GNAO1: variants seen among roughly 807,000 people sequenced by gnomAD.
The protein encoded by GNAO1 is G protein subunit alpha o1.
For missense variants in GNAO1, 166 were observed against 478.7 expected, an observed-to-expected ratio of 0.35 and a Z score of 6.10; for synonymous variants, 164 against 180.7, an observed-to-expected ratio of 0.91 and a Z score of 0.74.
rs575386258 is a variant in GNAO1 at position 56,221,758 on chromosome 16, C to T, written c.161+29142C>T. Among the ~76,000 whole-genome samples the T allele has an allele frequency of 5.9e-5, 9 of 151,500 alleles. 1 individual carries two copies. Among genetic ancestry groups the T allele is most frequent in the East Asian group, 1.9e-4 (1 of 5,158 alleles). ...AATTCTCCAAAGGAAGCTTGTACCA[C>T]GGGGTACAAGGATAAAAGCATGGGT... is the stretch of plus-strand genomic sequence containing the variant. On this transcript the variant is annotated intron_variant, in intron 2 of 8. Transcript: ENST00000262493.
chr16:56,275,982 T>A lies in GNAO1; in HGVS notation c.213T>A (p.Pro71=), dbSNP rs778169910. ...FSGEDVKQYK[P]VVYSNTIQSL... The stretch of plus-strand genomic sequence containing the variant: ...GAGAAGACGTGAAACAGTACAAGCC[T>A]GTTGTCTACAGCAACACTATCCAGT... The change falls in exon 3 of 9, where the codon CCT becomes CCA. Residue 71 remains proline, a synonymous_variant. Transcript: ENST00000262493. 2 of 1,614,042 alleles carry A rather than the reference T, an allele frequency of 1.2e-6. No individual in the cohort carries two copies. The highest frequency in any genetic ancestry group is 1.7e-6 in the Non-Finnish European group (2 of 1,179,952).
chr16:56,247,159 G>A (rs1019239034), intron 2 of GNAO1, among the ~76,000 whole-genome samples: 3 of 152,154 alleles, frequency 2.0e-5, no homozygotes, highest in Non-Finnish European at 2.9e-5. Flanking sequence ...GGTCAGCATG[G>A]CCCGTCAGCA....
chr16:56,249,673 G>T (rs2036781823), intron 2 of GNAO1, among the ~76,000 whole-genome samples: 1 of 152,176 alleles, frequency 6.6e-6, no homozygotes, highest in South Asian at 2.1e-4. Context: ...GCAGGCCCAC[G>T]GTTGCCCAAT....
intron 2 of GNAO1, among the ~76,000 whole-genome samples, chr16:56,258,359 A>G (rs2036871791): frequency 6.6e-6 from 1 of 152,220 alleles, no homozygotes; most frequent in Non-Finnish European, 1.5e-5. Flanking sequence ...CATTCCTATC[A>G]TGAGGACTTC....
At chr16:56,193,759 C>T (rs932598430) in intron 2 of GNAO1, 7 of 275,840 alleles carry the variant, frequency 2.5e-5, no homozygotes, top group Non-Finnish European at 4.3e-5. Flanking sequence ...GGGGTGTGCG[C>T]CCTCCGGGCC....
chr16:56,331,378 C>T (rs1238626907), intron 4 of GNAO1, among the ~76,000 whole-genome samples: 1 of 152,188 alleles, frequency 6.6e-6, no homozygotes, highest in South Asian at 2.1e-4. Flanking sequence ...CAGTTCCCCA[C>T]TGAGTTGTCC....
At chr16:56,260,870 G>C (rs953607249) in intron 2 of GNAO1, among the ~76,000 whole-genome samples, 1 of 152,166 alleles carries the variant, frequency 6.6e-6, no homozygotes, top group African/African-American at 2.4e-5. Context: ...AGGAAGACTG[G>C]CTGGGCTGGG....
At chr16:56,259,150 G>A (rs896081485) in intron 2 of GNAO1, among the ~76,000 whole-genome samples, 1 of 152,190 alleles carries the variant, frequency 6.6e-6, no homozygotes, top group African/African-American at 2.4e-5. Flanking sequence ...GTTTCAGAGG[G>A]TGTGGATAGC....
chr16:56,346,227 C>T (rs2037867614), intron 6 of GNAO1: 1 of 985,440 alleles, frequency 1.0e-6, no homozygotes, highest in East Asian at 1.1e-4. Flanking sequence ...CATGTCGTAA[C>T]CAGCGGCTCC....
intron 2 of GNAO1, among the ~76,000 whole-genome samples, chr16:56,214,982 C>A (rs2036425486): frequency 6.6e-6 from 1 of 152,216 alleles, no homozygotes; most frequent in African/African-American, 2.4e-5. Flanking sequence ...TGGGCATTGG[C>A]TTGGCTTGGA....
At chr16:56,209,689 G>T (rs562225910) in intron 2 of GNAO1, among the ~76,000 whole-genome samples, 6 of 152,118 alleles carry the variant, frequency 3.9e-5, no homozygotes, top group African/African-American at 1.4e-4. Context: ...CTTTTTGTTA[G>T]ATTTATAACT....
intron 2 of GNAO1, among the ~76,000 whole-genome samples, chr16:56,197,622 A>G (rs2036245317): frequency 6.6e-6 from 1 of 152,188 alleles, no homozygotes; most frequent in Non-Finnish European, 1.5e-5. Flanking sequence ...TAAATGGGTG[A>G]AGCTTCATGA....
intron 4 of GNAO1, among the ~76,000 whole-genome samples, chr16:56,334,120 C>T (rs1172567246): frequency 2.0e-5 from 3 of 152,298 alleles, no homozygotes; most frequent in Admixed American, 6.5e-5. Flanking sequence ...GAGGCCCAGC[C>T]GCTGTATGGC....
chr16:56,245,223 T>G (rs1309499718), intron 2 of GNAO1, among the ~76,000 whole-genome samples: 1 of 152,236 alleles, frequency 6.6e-6, no homozygotes, highest in African/African-American at 2.4e-5. Context: ...GCGGCTGAGC[T>G]GATGATCAGG....
chr16:56,248,463 G>A (rs2036769951), intron 2 of GNAO1, among the ~76,000 whole-genome samples: 1 of 152,200 alleles, frequency 6.6e-6, no homozygotes, highest in African/African-American at 2.4e-5. Flanking sequence ...TGCTTGCCCT[G>A]TGCCTAGAGC....
At chr16:56,291,075 A>G (rs113355828) in intron 3 of GNAO1, among the ~76,000 whole-genome samples, 1 of 152,288 alleles carries the variant, frequency 6.6e-6, no homozygotes, top group East Asian at 1.9e-4. Context: ...GCTGCTGTGA[A>G]CATTCATGTA....
At chr16:56,282,954 G>C (rs113179621) in intron 3 of GNAO1, among the ~76,000 whole-genome samples, 3 of 151,920 alleles carry the variant, frequency 2.0e-5, no homozygotes, top group Non-Finnish European at 2.9e-5. Context: ...AAGAAAGACC[G>C]GCGATCAGTG....
chr16:56,300,073 G>A (rs1179947723), intron 3 of GNAO1, among the ~76,000 whole-genome samples: 1 of 149,374 alleles, frequency 6.7e-6, no homozygotes, highest in Non-Finnish European at 1.5e-5. Flanking sequence ...GCTTGTGAGT[G>A]TGTCTGTGTC....
chr16:56,280,660 A>G (rs2037105461), intron 3 of GNAO1, among the ~76,000 whole-genome samples: 1 of 152,210 alleles, frequency 6.6e-6, no homozygotes, highest in Non-Finnish European at 1.5e-5. Context: ...AATAAGGTGC[A>G]AGGGGCTAGG....
Sources: gnomAD v4.1 joint callset for allele counts (sites outside exome capture counted in the v4.1 genomes callset) on GRCh38, gnomAD v4.1.1 for gene constraint, MANE v1.5 for transcripts, NCBI Gene and HGNC (gene_info 2026-07-23, HGNC 2026-07-21) for gene names.